The following SLC30A7 variants were observed in gnomAD, a reference collection of about 807,000 sequenced individuals.
The protein encoded by SLC30A7 is solute carrier family 30 member 7.
SLC30A7 carries 35 observed loss-of-function variants against 46.0 expected under a neutral mutation model. The ratio of observed to expected loss-of-function variants is 0.76; its 90% confidence interval spans 0.58 to 1.01. SLC30A7 has a LOEUF of 1.01. SLC30A7 is among the 50% of genes least tolerant of loss of function. SLC30A7 has a pLI of 0.00. For missense variants in SLC30A7, 464 were observed against 451.1 expected, an observed-to-expected ratio of 1.03 and a Z score of -0.26; for synonymous variants, 147 against 157.8, an observed-to-expected ratio of 0.93 and a Z score of 0.51.
At chr1:100,907,121 C>A (rs1327793728) in intron 3 of SLC30A7, among the ~76,000 whole-genome samples, 156 bp downstream of exon 3, 1 of 152,170 alleles carries the variant, frequency 6.6e-6, no homozygotes, top group Non-Finnish European at 1.5e-5. Context: ...CCTACCTCCC[C>A]AAGGGTAACC....
At chr1:100,920,305 T>A (rs1432119893) in intron 7 of SLC30A7, among the ~76,000 whole-genome samples, 1 of 152,042 alleles carries the variant, frequency 6.6e-6, no homozygotes, top group Non-Finnish European at 1.5e-5. Context: ...TGCTTTGATG[T>A]GTATTTTTTT....
At chr1:100,928,178 G>A (rs565712447) in intron 8 of SLC30A7, among the ~76,000 whole-genome samples, 2 of 152,328 alleles carry the variant, frequency 1.3e-5, no homozygotes, top group African/African-American at 4.8e-5. Context: ...GATGGGTAGA[G>A]GGTGTAATGA....
In SLC30A7 at chr1:100,965,874, G is replaced by T; in HGVS notation, c.1039G>T (p.Asp347Tyr). The change falls in exon 10 of 11, where the codon GAT (aspartate) becomes TAT (tyrosine). Residue 347 changes from aspartate (D) to tyrosine (Y), a missense_variant. By Grantham distance (160) the Asp-to-Tyr change is radical. Transcript: ENST00000357650. ...TLKLIVAPDA[D>Y]ARWILSQTHN... is the part of the protein sequence containing the mutation. ...GAAATTAATAGTAGCACCTGATGCT[G>T]ATGCTAGGTGGATTTTAAGCCAAAC... 1 of 1,613,864 alleles carries T rather than the reference G, an allele frequency of 6.2e-7. No homozygotes were observed. Among genetic ancestry groups the T allele is most frequent in the Non-Finnish European group, 8.5e-7 (1 of 1,179,894 alleles).
chr1:100,970,965 T>G (rs1656131414), intron 10 of SLC30A7, among the ~76,000 whole-genome samples: 1 of 152,124 alleles, frequency 6.6e-6, no homozygotes, highest in South Asian at 2.1e-4. Context: ...TAATACATAT[T>G]TACTCCTTGA....
rs911856141 is a variant in SLC30A7, at chr1:100,975,763, T to G, written c.*906T>G. 6.6e-6 allele frequency: 1 copy of G among 151,612 alleles called. No individual in the cohort carries two copies. The highest frequency in any genetic ancestry group is 2.4e-5 in the African/African-American group (1 of 41,182). The allele number at this position is 151,612 out of a possible 1,614,324, so 9.4% of individuals were successfully genotyped here. ...GGATGGTCTTGATCTCTTGACCTCG[T>G]GATCCGTCCACCTCAGCCTCCCAAA... On this transcript the variant is annotated 3_prime_UTR_variant, in exon 11 of 11. Transcript: ENST00000357650.
chr1:100,896,804 GCTTTCTCATAC>G, intron 2 of SLC30A7, 133 bp downstream of exon 2: 1 of 750,714 alleles, frequency 1.3e-6, no homozygotes, highest in Admixed American at 2.1e-5. Flanking sequence ...CTGCTGAGTT[GCTTTCTCATAC>G]CCACACCAAT....
Position 100,947,259 on chromosome 1 carries a change from G to A in SLC30A7, c.843-14569G>A, listed in dbSNP as rs114169572. Among the ~76,000 whole-genome samples, 295 of 152,180 alleles carry A rather than the reference G, an allele frequency of 1.9e-3. 5 individuals are homozygous for A. The highest frequency in any genetic ancestry group is 6.8e-3 in the African/African-American group (281 of 41,530). ...CCCAGAGATTCTGGTACATTGTGTC[G>A]TTGTTTTCATTGGTTTCTAAGAACA... On this transcript the variant is annotated intron_variant, in intron 8 of 10. Transcript: ENST00000357650.
chr1:100,983,026 C>G (rs938066919), downstream of SLC30A7, among the ~76,000 whole-genome samples: 2 of 152,104 alleles, frequency 1.3e-5, no homozygotes, highest in Admixed American at 6.5e-5. Context: ...CAGAAGCCAC[C>G]CCATGTTAAA....
intron 8 of SLC30A7, among the ~76,000 whole-genome samples, chr1:100,927,456 C>T (rs922626961): frequency 4.6e-5 from 7 of 152,020 alleles, no homozygotes; most frequent in Non-Finnish European, 1.0e-4. Context: ...CCTGATCAGA[C>T]AGAGTAGCTT....
chr1:100,945,896 A>G (rs1200412857), intron 8 of SLC30A7, among the ~76,000 whole-genome samples: 1 of 152,112 alleles, frequency 6.6e-6, no homozygotes, highest in Non-Finnish European at 1.5e-5. Flanking sequence ...CATTTTCATG[A>G]TATTGATTCT....
At position 100,980,879 on chromosome 1, in the gene SLC30A7, T is replaced by G. The variant is rs766142938; in HGVS notation, c.*6022T>G. The G allele has an allele frequency of 3.3e-5, 5 of 152,122 alleles. No homozygotes were observed. Among genetic ancestry groups the G allele is most frequent in the Non-Finnish European group, 7.4e-5 (5 of 67,970 alleles). The allele number at this position is 152,122 out of a possible 1,614,324, so 9.4% of individuals were successfully genotyped here. A position where few individuals can be genotyped will look rare whatever the true frequency, so the allele number is the denominator to read the frequency against. ...TTTGTTTTTATGGAAAATTGCCATA[T>G]TCACATATTTCATTTATCCTAATGT... On this transcript the variant is annotated 3_prime_UTR_variant, in exon 11 of 11. Coordinates refer to ENST00000357650, the MANE Select transcript of SLC30A7 (RefSeq NM_133496.5).
Position 100,906,901 on chromosome 1 carries a change from A to C in SLC30A7, c.232A>C (p.Ile78Leu). Residue 78 changes from isoleucine (I) to leucine (L), a missense_variant, in exon 3 of 11, where the codon ATT (isoleucine) becomes CTT (leucine). Coordinates refer to ENST00000357650, the MANE Select transcript of SLC30A7 (RefSeq NM_133496.5). ...SFHMFFDSTA[I>L]LAGLAASVIS... ...TCACATGTTTTTCGATAGCACTGCC[A>C]TTTTGGCTGGACTGGCAGCTTCTGT... The C allele has an allele frequency of 6.2e-7, 1 of 1,613,600 alleles. No homozygotes were observed. Among genetic ancestry groups the C allele is most frequent in the Non-Finnish European group, 8.5e-7 (1 of 1,179,680 alleles).
At chr1:100,946,681 G>T (rs1654658131) in intron 8 of SLC30A7, among the ~76,000 whole-genome samples, 1 of 152,130 alleles carries the variant, frequency 6.6e-6, no homozygotes. Context: ...GCTGGATTTG[G>T]TTTGCCAGTA....
Position 100,913,811 on chromosome 1 carries a change from G to C in SLC30A7, c.655+5G>C. 1 of 1,611,910 alleles carries C rather than the reference G, an allele frequency of 6.2e-7. No homozygotes were observed. The highest frequency in any genetic ancestry group is 8.5e-7 in the Non-Finnish European group (1 of 1,178,810). On this transcript the variant is annotated splice_donor_5th_base_variant and intron_variant, in intron 6 of 10. Transcript: ENST00000357650. ...ATGGACACTTTCATTCTCATGGTGA[G>C]TACAGCCTAGAGACAAATGGACAGC...
In SLC30A7 at chr1:100,980,066, C is replaced by G. The variant is rs1436093355; in HGVS notation, c.*5209C>G. 1 of 152,088 alleles carries G rather than the reference C, an allele frequency of 6.6e-6. No individual in the cohort carries two copies. The highest frequency in any genetic ancestry group is 1.5e-5 in the Non-Finnish European group (1 of 67,980). 9.4% of individuals were successfully genotyped at this position (152,088 alleles called of 1,614,324 possible). On this transcript the variant is annotated 3_prime_UTR_variant, in exon 11 of 11. Transcript: ENST00000357650. ...AAACTGTGCAGGCTAAAAAGAGGAA[C>G]CAGAACTCCCTTAAGCACTTTTAAG...
chr1:100,938,458 C>T (rs1053514398), intron 8 of SLC30A7, among the ~76,000 whole-genome samples: 1 of 152,200 alleles, frequency 6.6e-6, no homozygotes, highest in Non-Finnish European at 1.5e-5. Context: ...TTTTACTAGA[C>T]TGAAGAATTG....
At chr1:100,941,470 G>GT in intron 8 of SLC30A7, 1 of 469,340 alleles carries the variant, frequency 2.1e-6, no homozygotes, top group South Asian at 1.7e-5. Flanking sequence ...TCACAGTATG[G>GT]TATTTCAGAA....
intron 8 of SLC30A7, among the ~76,000 whole-genome samples, chr1:100,945,434 T>C (rs1459255263): frequency 6.6e-6 from 1 of 152,268 alleles, no homozygotes; most frequent in East Asian, 1.9e-4. Flanking sequence ...AACATTTAAG[T>C]CTTTAATCCA....
intron 8 of SLC30A7, among the ~76,000 whole-genome samples, chr1:100,954,986 C>T (rs1655152453): frequency 6.6e-6 from 1 of 151,642 alleles, no homozygotes; most frequent in African/African-American, 2.4e-5. Context: ...TGTAAGAACC[C>T]CTACAATATA....
Sources: allele counts gnomAD v4.1 joint callset (sites outside exome capture counted in the v4.1 genomes callset), GRCh38; gene constraint gnomAD v4.1.1; transcripts MANE v1.5; gene names NCBI Gene and HGNC (gene_info 2026-07-23, HGNC 2026-07-21).